MME: variants seen among roughly 807,000 people sequenced by gnomAD.
MME encodes neprilysin.
In MME, 98 loss-of-function variants were observed where a neutral mutation model predicts 113.2. The ratio of observed to expected loss-of-function variants is 0.87; its 90% CI spans 0.74 to 1.02. The LOEUF (loss-of-function observed/expected upper bound fraction) is 1.02, where lower values mean the gene tolerates loss of function less well. MME is among the 50% of genes least tolerant of loss of function. MME has a pLI of 0.00. For synonymous variants in MME, 292 were observed against 300.6 expected (o/e 0.97, Z 0.30); for missense variants, 836 against 896.0 (o/e 0.93, Z 0.86).
At chr3:155,179,269 T>C (rs1712845372) in intron 22 of MME, among the ~76,000 whole-genome samples, 1 of 152,090 alleles carries the variant, frequency 6.6e-6, no homozygotes, top group African/African-American at 2.4e-5. Context: ...AAGAGAAATG[T>C]ACCACGAGGA....
Position 155,167,037 on chromosome 3 carries a change from C to T in MME, c.1780+16C>T. On this transcript the variant is annotated intron_variant, in intron 18 of 22. Coordinates refer to ENST00000360490, the MANE Select transcript of MME (RefSeq NM_007289.4). ...GATGACAATGGTAAAGTGCAGTTGA[C>T]ATTTTCCTTTGGCTGAGGTATATGC... The T allele has an allele frequency of 6.2e-7, 1 of 1,613,306 alleles. No homozygotes were observed. Among genetic ancestry groups the T allele is most frequent in the East Asian group, 2.2e-5 (1 of 44,806 alleles).
intron 1 of MME, among the ~76,000 whole-genome samples, chr3:155,043,332 C>T: frequency 1.4e-5 from 2 of 147,724 alleles, no homozygotes. Flanking sequence ...CTTTTTCTTT[C>T]TTTCTTTTTT....
chr3:155,082,017 A>T (rs965776768), intron 1 of MME: 1 of 152,192 alleles, frequency 6.6e-6, no homozygotes, highest in Non-Finnish European at 1.5e-5. Flanking sequence ...TGTTTCTGCA[A>T]ACTTGGGTGC....
rs181745819 is a variant in MME at position 155,168,594 on chromosome 3, A to G, written c.1883A>G (p.Asn628Ser). 37 of 1,613,836 alleles carry G rather than the reference A, an allele frequency of 2.3e-5. No individual in the cohort carries two copies. The Admixed American group carries it at 3.5e-4, about 15-fold the overall frequency. ...CAGTGCATGGTGTATCAGTATGGAA[A>G]CTTTTCCTGGGACCTGGCAGGTGGA... ...QSQCMVYQYG[N>S]FSWDLAGGQH... Residue 628 changes from asparagine (N) to serine (S), a missense_variant, in exon 19 of 23, where the codon AAC (asparagine) becomes AGC (serine). Asn to Ser is a conservative substitution (Grantham distance 46, BLOSUM62 1). Coordinates refer to ENST00000360490, the MANE Select transcript of MME (RefSeq NM_007289.4).
chr3:155,128,921 T>C (rs552347754), intron 8 of MME, among the ~76,000 whole-genome samples: 1 of 152,198 alleles, frequency 6.6e-6, no homozygotes, highest in Non-Finnish European at 1.5e-5. Flanking sequence ...AGGGCATCAA[T>C]AGCTAATAGC....
intron 8 of MME, among the ~76,000 whole-genome samples, chr3:155,133,062 A>AAAAAAATATATATATATATATATATAT (rs1553762419): frequency 4.0e-5 from 3 of 75,062 alleles, no homozygotes; most frequent in African/African-American, 1.3e-4. Flanking sequence ...AAAAAAAAAA[A>AAAAAAATATATATATATATATATATAT]ATATATATAT....
chr3:155,109,838 C>T (rs896769549), intron 3 of MME, among the ~76,000 whole-genome samples: 20 of 152,316 alleles, frequency 1.3e-4, no homozygotes, highest in African/African-American at 4.6e-4. Flanking sequence ...AGATTTTTCA[C>T]ACTCCATTTT....
At chr3:155,040,419 T>C (rs941786793) in intron 1 of MME, among the ~76,000 whole-genome samples, 2 of 152,184 alleles carry the variant, frequency 1.3e-5, no homozygotes, top group African/African-American at 2.4e-5. Flanking sequence ...ATGATGTCTA[T>C]ATTTGGAATT....
At chr3:155,142,387 T>G (rs1276994695) in intron 12 of MME, 57 bp downstream of exon 12, 1 of 1,403,384 alleles carries the variant, frequency 7.1e-7, no homozygotes, top group Non-Finnish European at 1.0e-6. Flanking sequence ...TACATGGTTA[T>G]GAAGGCTTAC....
At chr3:155,037,567 A>T (rs2108117822) in intron 1 of MME, among the ~76,000 whole-genome samples, 1 of 152,310 alleles carries the variant, frequency 6.6e-6, no homozygotes, top group Middle Eastern at 3.4e-3. Context: ...GGAAGAGGTC[A>T]GTAGACTGAG....
intron 16 of MME, among the ~76,000 whole-genome samples, chr3:155,155,968 T>C (rs1029187716): frequency 6.6e-6 from 1 of 152,196 alleles, no homozygotes; most frequent in Non-Finnish European, 1.5e-5. Context: ...CCATTACCTT[T>C]TGTTGAAAGA....
chr3:155,075,460 G>A (rs1438819332), upstream of MME, among the ~76,000 whole-genome samples: 3 of 151,928 alleles, frequency 2.0e-5, no homozygotes, highest in African/African-American at 7.2e-5. Context: ...AGCATTTTAT[G>A]TTATACTTCC....
chr3:155,107,272 G>C (rs145995761), intron 3 of MME, among the ~76,000 whole-genome samples: 2,451 of 150,866 alleles, frequency 0.016, 58 homozygotes, highest in African/African-American at 0.055. Context: ...AGAATTGCTT[G>C]AACCTGGGAG....
intron 16 of MME, among the ~76,000 whole-genome samples, chr3:155,148,950 A>T (rs149586115): frequency 7.2e-5 from 11 of 152,256 alleles, no homozygotes; most frequent in Non-Finnish European, 1.3e-4. Context: ...CAAAAACCTT[A>T]GCTTAAGTAA....
At chr3:155,153,521 T>G (rs1342143317) in intron 16 of MME, among the ~76,000 whole-genome samples, 1 of 152,146 alleles carries the variant, frequency 6.6e-6, no homozygotes, top group Admixed American at 6.6e-5. Flanking sequence ...TCATTTAGAG[T>G]TCATAGAGCA....
intron 3 of MME, chr3:155,112,176 A>G (rs533142570): frequency 6.6e-6 from 1 of 152,318 alleles, no homozygotes; most frequent in African/African-American, 2.4e-5. Flanking sequence ...TCACAGAGCC[A>G]CAGTCCAGGT....
intron 12 of MME, among the ~76,000 whole-genome samples, chr3:155,142,712 A>G (rs1721207702): frequency 6.6e-6 from 1 of 152,142 alleles, no homozygotes; most frequent in African/African-American, 2.4e-5. Flanking sequence ...CAGATGGACA[A>G]TATTGATGTG....
intron 1 of MME, among the ~76,000 whole-genome samples, chr3:155,062,139 A>G (rs1714171488): frequency 1.3e-5 from 2 of 152,216 alleles, no homozygotes; most frequent in South Asian, 4.1e-4. Flanking sequence ...GCTAAATAGT[A>G]TACTTGCCTC....
At chr3:155,175,791 T>C (rs183970114) in intron 22 of MME, among the ~76,000 whole-genome samples, 7 of 152,250 alleles carry the variant, frequency 4.6e-5, no homozygotes, top group Admixed American at 2.6e-4. Flanking sequence ...ATATGGCTAT[T>C]TTGTTCCTTC....
Sources: gnomAD v4.1 joint callset for allele counts (sites outside exome capture counted in the v4.1 genomes callset) on GRCh38, gnomAD v4.1.1 for gene constraint, MANE v1.5 for transcripts, NCBI Gene and HGNC (gene_info 2026-07-23, HGNC 2026-07-21) for gene names.